Variants in MCTP1 observed in about 807,000 individuals in gnomAD.
MCTP1 encodes multiple C2 and transmembrane domain-containing protein 1.
A neutral mutation model predicts 120.6 loss-of-function variants in MCTP1; 69 were observed. That is an observed-to-expected ratio of 0.57 (90% CI 0.47 to 0.70). MCTP1 has a LOEUF of 0.70. Ranked by LOEUF, MCTP1 falls within the 30% of genes least tolerant of loss-of-function variation. The probability of loss-of-function intolerance (pLI) is 0.00; values close to 1 mark genes in which losing one functional copy is unlikely to be tolerated. For synonymous variants in MCTP1, 529 were observed against 493.1 expected (o/e 1.07, Z -0.96); for missense variants, 1,203 against 1,248.8 (o/e 0.96, Z 0.55).
At chr5:94,929,125 G>A (rs1005453077) in intron 6 of MCTP1, among the ~76,000 whole-genome samples, 2 of 152,138 alleles carry the variant, frequency 1.3e-5, no homozygotes, top group East Asian at 3.9e-4. Flanking sequence ...GGAGACAGGC[G>A]TATTTAAAAG....
intron 18 of MCTP1, among the ~76,000 whole-genome samples, chr5:94,783,143 G>T (rs1299772051): frequency 6.6e-6 from 1 of 152,032 alleles, no homozygotes; most frequent in Non-Finnish European, 1.5e-5. Flanking sequence ...TTCCTTGAAT[G>T]TAATACTAAT....
At chr5:95,267,756 T>A (rs1371492675) in intron 1 of MCTP1, among the ~76,000 whole-genome samples, 1 of 152,214 alleles carries the variant, frequency 6.6e-6, no homozygotes, top group Non-Finnish European at 1.5e-5. Flanking sequence ...GCTTCAGTCC[T>A]TGCTAAAGTC....
chr5:94,907,665 A>T (rs1003359964), intron 10 of MCTP1, among the ~76,000 whole-genome samples: 2 of 152,108 alleles, frequency 1.3e-5, no homozygotes, highest in Non-Finnish European at 2.9e-5. Context: ...AGAACTCATA[A>T]TGTTATTAAG....
At chr5:94,754,041 C>T (rs1403096778) in intron 19 of MCTP1, among the ~76,000 whole-genome samples, 1 of 152,172 alleles carries the variant, frequency 6.6e-6, no homozygotes, top group African/African-American at 2.4e-5. Context: ...ATCTTATTTA[C>T]CTGAGAGAGT....
At chr5:95,107,853 T>C (rs2152383380) in intron 1 of MCTP1, among the ~76,000 whole-genome samples, 1 of 152,326 alleles carries the variant, frequency 6.6e-6, no homozygotes, top group Non-Finnish European at 1.5e-5. Context: ...TTTCCTTCTA[T>C]GTTTTTATTT....
At chr5:95,069,558 A>G (rs2152213463) in intron 1 of MCTP1, among the ~76,000 whole-genome samples, 1 of 151,878 alleles carries the variant, frequency 6.6e-6, no homozygotes, top group East Asian at 1.9e-4. Flanking sequence ...TTGTCTATGT[A>G]TGTGTGTGAA....
At chr5:94,784,768 AGG>A (rs1401792901) in intron 18 of MCTP1, 1 of 152,016 alleles carries the variant, frequency 6.6e-6, no homozygotes, top group African/African-American at 2.4e-5. Context: ...CTTGCCAGGG[AGG>A]CTGAATATAT....
intron 1 of MCTP1, among the ~76,000 whole-genome samples, chr5:95,238,225 C>T (rs928961422): frequency 6.6e-6 from 1 of 152,164 alleles, no homozygotes; most frequent in African/African-American, 2.4e-5. Context: ...TTCTCTGACT[C>T]TCCGCTACCT....
At chr5:94,847,754 T>A (rs1294859778) in intron 17 of MCTP1, among the ~76,000 whole-genome samples, 1 of 149,908 alleles carries the variant, frequency 6.7e-6, no homozygotes, top group Non-Finnish European at 1.5e-5. Flanking sequence ...CCCCACCAAA[T>A]CAAGTTCATC....
At chr5:95,193,909 G>C (rs1750096205) in intron 1 of MCTP1, among the ~76,000 whole-genome samples, 2 of 152,072 alleles carry the variant, frequency 1.3e-5, no homozygotes, top group Admixed American at 6.6e-5. Flanking sequence ...GAGGAACAAA[G>C]ATTAAGAAAC....
rs186353586 is a variant in MCTP1 at position 95,269,910 on chromosome 5, T to G, written c.720+13946A>C. The stretch of plus-strand genomic sequence containing the variant: ...GACAATGTACATAATCTATAAATGT[T>G]TCTTTGAGATGCTGTACATAGAATG... On this transcript the variant is annotated intron_variant, in intron 1 of 22. Coordinates refer to ENST00000515393, the MANE Select transcript of MCTP1 (RefSeq NM_024717.7). Among the ~76,000 whole-genome samples the G allele has an allele frequency of 9.5e-4, 144 of 152,336 alleles. No homozygotes were observed. In the East Asian group the frequency reaches 0.014, roughly 15 times the overall value.
chr5:94,965,829 A>C (rs1231774916), intron 2 of MCTP1, among the ~76,000 whole-genome samples: 1 of 152,162 alleles, frequency 6.6e-6, no homozygotes, highest in African/African-American at 2.4e-5. Flanking sequence ...AAAGGATTTG[A>C]GGGGATGTTT....
chr5:94,995,521 G>A (rs1832452378), intron 2 of MCTP1, among the ~76,000 whole-genome samples: 1 of 152,164 alleles, frequency 6.6e-6, no homozygotes, highest in Admixed American at 6.6e-5. Flanking sequence ...AAGAAAGTGA[G>A]ACTCTCCTTG....
At chr5:95,281,798 C>T (rs1461741032) in intron 1 of MCTP1, among the ~76,000 whole-genome samples, 8 of 152,134 alleles carry the variant, frequency 5.3e-5, no homozygotes, top group Admixed American at 5.2e-4. Flanking sequence ...GATAGCTAAT[C>T]CATCATAGAA....
intron 1 of MCTP1, among the ~76,000 whole-genome samples, chr5:95,280,088 A>C (rs1760192012): frequency 6.6e-6 from 1 of 152,248 alleles, no homozygotes; most frequent in Non-Finnish European, 1.5e-5. Flanking sequence ...AATCAACCCA[A>C]GTCATGTTTT....
At chr5:94,783,397 G>T (rs1321998629) in intron 18 of MCTP1, among the ~76,000 whole-genome samples, 2 of 152,074 alleles carry the variant, frequency 1.3e-5, no homozygotes, top group South Asian at 4.1e-4. Flanking sequence ...TTTTAGAGGA[G>T]CTCTCGTACT....
chr5:94,924,261 T>C (rs1280562827), intron 6 of MCTP1, among the ~76,000 whole-genome samples: 1 of 152,132 alleles, frequency 6.6e-6, no homozygotes, highest in East Asian at 1.9e-4. Flanking sequence ...CTTTTCATTC[T>C]TAAGTATTCA....
chr5:95,062,952 G>A (rs558684676), intron 1 of MCTP1, among the ~76,000 whole-genome samples: 1 of 152,132 alleles, frequency 6.6e-6, no homozygotes, highest in South Asian at 2.1e-4. Context: ...CCAAGTAGCT[G>A]AGACTATAAG....
chr5:94,804,952 C>T (rs1298308692), intron 17 of MCTP1, among the ~76,000 whole-genome samples: 1 of 151,314 alleles, frequency 6.6e-6, no homozygotes, highest in Non-Finnish European at 1.5e-5. Context: ...ATAATTGAAA[C>T]AAAAAAAATC....
Sources: gnomAD v4.1 joint callset for allele counts (sites outside exome capture counted in the v4.1 genomes callset) on GRCh38, gnomAD v4.1.1 for gene constraint, MANE v1.5 for transcripts, NCBI Gene and HGNC (gene_info 2026-07-23, HGNC 2026-07-21) for gene names.